The following EHBP1 variants were observed in gnomAD, a reference collection of about 807,000 sequenced individuals.
The protein encoded by EHBP1 is EH domain binding protein 1, also known as EH domain-binding protein 1.
EHBP1 carries 55 observed loss-of-function variants against 144.0 expected under a neutral mutation model. That is an observed-to-expected ratio of 0.38 (90% CI 0.31 to 0.48). The LOEUF (loss-of-function observed/expected upper bound fraction) is 0.48, where lower values mean the gene tolerates loss of function less well. Among genes scored for constraint, EHBP1 ranks in the 20% least tolerant of loss-of-function variants. The probability of loss-of-function intolerance (pLI) is 0.98; values close to 1 mark genes in which losing one functional copy is unlikely to be tolerated. For missense variants in EHBP1, 1,200 were observed against 1,364.2 expected (o/e 0.88, Z 1.90); for synonymous variants, 469 against 472.7 (o/e 0.99, Z 0.10).
intron 5 of EHBP1, among the ~76,000 whole-genome samples, chr2:62,811,348 T>G (rs1397070425): frequency 6.6e-6 from 1 of 152,258 alleles, no homozygotes; most frequent in Non-Finnish European, 1.5e-5. Context: ...GGTCTGCTGA[T>G]GAAGCAGAGA....
chr2:62,686,304 C>G (rs1162594865), intron 1 of EHBP1, among the ~76,000 whole-genome samples: 1 of 152,190 alleles, frequency 6.6e-6, no homozygotes, highest in African/African-American at 2.4e-5. Flanking sequence ...TTTGTCTACT[C>G]TTTAGGACAG....
chr2:62,773,884 A>AAG (rs1558647638), intron 5 of EHBP1, among the ~76,000 whole-genome samples: 2,342 of 130,414 alleles, frequency 0.018, 119 homozygotes, highest in African/African-American at 0.054. Flanking sequence ...AAAAAAAAAA[A>AAG]AGAGAGAGAG....
At chr2:62,873,865 A>C (rs1431968579) in intron 9 of EHBP1, among the ~76,000 whole-genome samples, 4 of 152,216 alleles carry the variant, frequency 2.6e-5, no homozygotes, top group Admixed American at 2.6e-4. Context: ...TTCAAAGCCT[A>C]GGAGAATTTA....
intron 15 of EHBP1, among the ~76,000 whole-genome samples, chr2:62,990,160 A>T (rs531684857): frequency 6.6e-6 from 1 of 152,100 alleles, no homozygotes; most frequent in Non-Finnish European, 1.5e-5. Flanking sequence ...TATTTCTGCT[A>T]TCTAAGTAGA....
chr2:62,791,714 G>A (rs1388627127), intron 5 of EHBP1, among the ~76,000 whole-genome samples: 2 of 151,884 alleles, frequency 1.3e-5, no homozygotes, highest in African/African-American at 4.8e-5. Flanking sequence ...TTAAATACCT[G>A]TAAGAGGCTA....
intron 5 of EHBP1, among the ~76,000 whole-genome samples, chr2:62,819,865 A>G (rs1255491614): frequency 6.6e-6 from 1 of 152,176 alleles, no homozygotes; most frequent in East Asian, 1.9e-4. Flanking sequence ...ATTAGGAGCG[A>G]TGAAATTTAA....
chr2:62,949,431 C>G (rs2057261287), intron 13 of EHBP1, among the ~76,000 whole-genome samples: 1 of 151,962 alleles, frequency 6.6e-6, no homozygotes, highest in African/African-American at 2.4e-5. Context: ...AATATACCTG[C>G]TGTATATTTA....
chr2:62,993,952 A>G lies in EHBP1; in HGVS notation c.2954A>G (p.Lys985Arg). The G allele has an allele frequency of 3.8e-6, 6 of 1,582,870 alleles. No individual in the cohort carries two copies. The highest frequency in any genetic ancestry group is 4.3e-6 in the Non-Finnish European group (5 of 1,161,452). ...GCAGCGATAACTGAAACTCAGAGGA[A>G]GCCATCAGAAGATGAAGTGCTTAAT... ...EKAAITETQRKPSEDEVLNKG... is the reference protein window; with the variant it reads ...EKAAITETQRRPSEDEVLNKG... Residue 985 changes from lysine (K) to arginine (R), a missense_variant, in exon 18 of 23, where the codon AAG becomes AGG. Lys to Arg is a conservative substitution (Grantham distance 26). Around this residue, in one of 6 missense-constraint regions of EHBP1, gnomAD observed 543 missense variants for 513.1 expected, o/e 1.06. Transcript: ENST00000431489.
chr2:62,986,456 T>C (rs1215402758), intron 15 of EHBP1, among the ~76,000 whole-genome samples: 1 of 151,426 alleles, frequency 6.6e-6, no homozygotes, highest in Non-Finnish European at 1.5e-5. Flanking sequence ...TTTTTTTTTT[T>C]TTTTGAGACT....
intron 6 of EHBP1, 105 bp downstream of exon 6, chr2:62,826,373 C>G: frequency 1.9e-6 from 2 of 1,060,892 alleles, no homozygotes; most frequent in Non-Finnish European, 1.3e-6. Flanking sequence ...GCATACCAAT[C>G]ATTTTTGCCA....
chr2:62,811,675 C>T (rs1289802744), intron 5 of EHBP1, among the ~76,000 whole-genome samples: 2 of 152,130 alleles, frequency 1.3e-5, no homozygotes, highest in African/African-American at 4.8e-5. Flanking sequence ...AATTTTATAA[C>T]TGTTAGGTAC....
intron 19 of EHBP1, among the ~76,000 whole-genome samples, chr2:63,011,128 G>T (rs1273577763): frequency 6.9e-6 from 1 of 145,524 alleles, no homozygotes; most frequent in Non-Finnish European, 1.5e-5. Context: ...TTTCTGCCGG[G>T]TGGCCTCACT....
intron 4 of EHBP1, among the ~76,000 whole-genome samples, chr2:62,764,865 A>G (rs1224645498): frequency 6.6e-6 from 1 of 152,218 alleles, no homozygotes; most frequent in Admixed American, 6.5e-5. Context: ...AAAGCACCTC[A>G]TAGAGGAGGT....
chr2:62,805,441 G>A (rs1319971250), intron 5 of EHBP1, among the ~76,000 whole-genome samples: 1 of 148,782 alleles, frequency 6.7e-6, no homozygotes, highest in Non-Finnish European at 1.5e-5. Context: ...CTTATGTATA[G>A]TCTTGTTCTT....
chr2:62,750,779 CTGTT>C (rs1216340321), intron 3 of EHBP1, among the ~76,000 whole-genome samples: 3 of 152,158 alleles, frequency 2.0e-5, no homozygotes, highest in Admixed American at 1.3e-4. Context: ...ATTTGGCTCT[CTGTT>C]TGTCTGTTAT....
chr2:62,690,328 C>A (rs2033863084), intron 1 of EHBP1, among the ~76,000 whole-genome samples: 1 of 152,046 alleles, frequency 6.6e-6, no homozygotes, highest in Non-Finnish European at 1.5e-5. Flanking sequence ...CTTTGAGAGG[C>A]CGAGGGAGGT....
Position 62,705,824 on chromosome 2 carries a change from G to A in EHBP1, c.-524G>A, listed in dbSNP as rs917394813. The stretch of plus-strand genomic sequence containing the variant: ...TCTGGCAGGGCTTGGTAGGGTGGGG[G>A]ACGGTCGCGGGGCGATCTGTCAGGG... On this transcript the variant is annotated 5_prime_UTR_variant, in exon 1 of 23. Transcript: ENST00000431489. 2 of 143,836 alleles carry A rather than the reference G, an allele frequency of 1.4e-5. No individual in the cohort carries two copies. The highest frequency in any genetic ancestry group is 5.1e-5 in the African/African-American group (2 of 38,964). The allele number at this position is 143,836 out of a possible 1,614,324, so 8.9% of individuals were successfully genotyped here.
At chr2:62,965,593 T>G (rs1005916229) in intron 14 of EHBP1, among the ~76,000 whole-genome samples, 6 of 152,208 alleles carry the variant, frequency 3.9e-5, no homozygotes, top group Non-Finnish European at 8.8e-5. Flanking sequence ...AGGATTGTCT[T>G]GGTCACCTTT....
chr2:62,719,223 C>G (rs2035974520), intron 2 of EHBP1, among the ~76,000 whole-genome samples: 1 of 152,004 alleles, frequency 6.6e-6, no homozygotes, highest in Non-Finnish European at 1.5e-5. Flanking sequence ...GCTTTGGCCT[C>G]CCAAAGTGCT....
Sources: allele counts gnomAD v4.1 joint callset (sites outside exome capture counted in the v4.1 genomes callset), GRCh38; gene constraint gnomAD v4.1.1; regional missense constraint gnomAD v4.1.1; transcripts MANE v1.5; gene names NCBI Gene and HGNC (gene_info 2026-07-23, HGNC 2026-07-21).